RNF213: variants seen among roughly 807,000 people sequenced by gnomAD.
RNF213 encodes the protein ring finger protein 213.
Under a neutral mutation model 514.4 loss-of-function variants are expected in RNF213, and 341 were observed. That is an observed-to-expected ratio of 0.66 (90% CI 0.61 to 0.73). The LOEUF is 0.73. RNF213 is among the 30% of genes least tolerant of loss of function. RNF213 has a pLI of 0.00. For synonymous variants in RNF213, 2,655 were observed against 2,658.2 expected (o/e 1.00, Z 0.04); for missense variants, 5,767 against 6,615.6 (o/e 0.87, Z 4.45).
chr17:80,334,412 T>C, intron 22 of RNF213, 142 bp downstream of exon 22: 2 of 840,452 alleles, frequency 2.4e-6, no homozygotes, highest in Non-Finnish European at 3.6e-6. Flanking sequence ...CTGCATGCTT[T>C]AGGGAGATGG....
chr17:80,336,534 A>G lies in RNF213; in HGVS notation c.4527+156A>G, dbSNP rs550159401. 812 of 740,820 alleles carry G rather than the reference A, an allele frequency of 1.1e-3. 2 individuals carry two copies. The highest frequency in any genetic ancestry group is 2.0e-3 in the Middle Eastern group (9 of 4,404). The allele number at this position is 740,820 out of a possible 1,614,324, so 45.9% of individuals were successfully genotyped here. On this transcript the variant is annotated intron_variant, in intron 23 of 67. Transcript: ENST00000582970. ...TAAAAAGCTTTTCTTCATAAATGGAAATTCACCATCTTGTTACCTAGAAAG... is the reference window on the plus strand; with the variant it reads ...TAAAAAGCTTTTCTTCATAAATGGAGATTCACCATCTTGTTACCTAGAAAG...
At chr17:80,372,449 C>A in intron 47 of RNF213, 72 bp from the exon 48 acceptor site, 2 of 1,079,132 alleles carry the variant, frequency 1.9e-6, no homozygotes, top group Non-Finnish European at 2.8e-6. Flanking sequence ...GTCACATTGG[C>A]GACTGTAGAA....
chr17:80,321,513 T>C (rs981543572), intron 17 of RNF213: 1 of 152,212 alleles, frequency 6.6e-6, no homozygotes, highest in African/African-American at 2.4e-5. Flanking sequence ...TTCTCCTGGG[T>C]GTATACCTCG....
Position 80,313,181 on chromosome 17 carries a change from C to G in RNF213, c.2811+14C>G. On this transcript the variant is annotated intron_variant, in intron 15 of 67. Coordinates refer to ENST00000582970, the MANE Select transcript of RNF213 (RefSeq NM_001256071.3). The stretch of plus-strand genomic sequence containing the variant: ...AAGGAAATTGAGGTAGGCATTTGGC[C>G]GAAGGCTTCTGGGTAGGGATGTGAC... 1.2e-6 allele frequency: 2 copies of G among 1,613,918 alleles called. No homozygotes were observed. The highest frequency in any genetic ancestry group is 1.7e-6 in the Non-Finnish European group (2 of 1,180,012).
intron 2 of RNF213, among the ~76,000 whole-genome samples, chr17:80,269,248 C>T (rs767798502): frequency 6.6e-6 from 1 of 152,072 alleles, no homozygotes; most frequent in African/African-American, 2.4e-5. Flanking sequence ...ACAACACCCT[C>T]ACAGACACAA....
intron 8 of RNF213, 132 bp downstream of exon 8, chr17:80,291,959 C>T (rs2044746897): frequency 1.1e-6 from 1 of 908,260 alleles, no homozygotes; most frequent in African/African-American, 1.6e-5. Context: ...TGCATTGACC[C>T]CGCCCCAGCC....
Position 80,348,011 on chromosome 17 carries a change from T to A in RNF213, c.9676T>A (p.Cys3226Ser), listed in dbSNP as rs142892282. ...DVFIGYHSDA[C>S]ASVVLQVIER... Reference sequence around the variant, plus strand: ...CTTCATCGGCTACCACTCGGACGCCTGCGCGTCTGTGGTGCTGCAGGTCAT... The same window carrying A: ...CTTCATCGGCTACCACTCGGACGCCAGCGCGTCTGTGGTGCTGCAGGTCAT... Residue 3226 changes from cysteine to serine, a missense_variant, in exon 29 of 68, where the codon TGC (cysteine) becomes AGC (serine). By Grantham distance (112) the Cys-to-Ser change is moderately radical. Transcript: ENST00000582970. The A allele has an allele frequency of 2.1e-5, 34 of 1,614,094 alleles. No individual in the cohort carries two copies. The highest frequency in any genetic ancestry group is 2.7e-5 in the Non-Finnish European group (32 of 1,180,044).
chr17:80,381,740 G>C lies in RNF213; in HGVS notation c.13978+13G>C, dbSNP rs564792915. ...CTCTCTAGCAGAAGTGAGGAAAGGG[G>C]CAAGGGCTGGGCGGGGATCACACAG... On this transcript the variant is annotated intron_variant, in intron 57 of 67. Transcript: ENST00000582970. 3 of 1,610,360 alleles carry C rather than the reference G, an allele frequency of 1.9e-6. No homozygotes were observed. The highest frequency in any genetic ancestry group is 2.5e-6 in the Non-Finnish European group (3 of 1,179,098).
intron 37 of RNF213, among the ~76,000 whole-genome samples, chr17:80,359,697 C>T (rs1475868915): frequency 6.6e-6 from 1 of 152,074 alleles, no homozygotes; most frequent in African/African-American, 2.4e-5. Flanking sequence ...AAAGACAAGG[C>T]GCTGCTGATG....
In RNF213 at chr17:80,327,814, A is replaced by C. The variant is rs1217894594; in HGVS notation, c.3194-2A>C. 1.3e-6 allele frequency: 2 copies of C among 1,535,600 alleles called. No individual in the cohort carries two copies. Among genetic ancestry groups the C allele is most frequent in the Non-Finnish European group, 1.7e-6 (2 of 1,145,586 alleles). ...TGTTAACTGTGTTCTTCATCTATTC[A>C]GGAACCGACGAGAAAATACTAGCAA... On this transcript the variant is annotated splice_acceptor_variant, in intron 18 of 67. Coordinates refer to ENST00000582970, the MANE Select transcript of RNF213 (RefSeq NM_001256071.3). LOFTEE classifies it high-confidence loss of function.
intron 18 of RNF213, among the ~76,000 whole-genome samples, chr17:80,326,243 G>A (rs941045723): frequency 1.4e-4 from 22 of 152,180 alleles, no homozygotes; most frequent in African/African-American, 5.3e-4. Context: ...TCCTGCCTCA[G>A]CCTCCCAAGT....
chr17:80,339,392 C>A lies in RNF213; in HGVS notation c.5025C>A (p.Ala1675=). The change falls in exon 26 of 68, where the codon GCC becomes GCA. Residue 1675 remains alanine, a synonymous_variant. Coordinates refer to ENST00000582970, the MANE Select transcript of RNF213 (RefSeq NM_001256071.3). ...GAGATGTCACTGAGCTGCTGGCAGC[C>A]CTCTGCAGGCAGATGGAGCACTTCC... ...EGGDVTELLA[A]LCRQMEHFLD... 1 of 1,537,200 alleles carries A rather than the reference C, an allele frequency of 6.5e-7. No homozygotes were observed. Among genetic ancestry groups the A allele is most frequent in the Non-Finnish European group, 8.7e-7 (1 of 1,146,900 alleles).
chr17:80,380,496 C>T (rs1434336107), intron 55 of RNF213, among the ~76,000 whole-genome samples: 1 of 152,206 alleles, frequency 6.6e-6, no homozygotes, highest in Non-Finnish European at 1.5e-5. Flanking sequence ...CTCCCAAACT[C>T]TAGCTGTTCT....
intron 11 of RNF213, 185 bp downstream of exon 11, chr17:80,298,703 G>A (rs1459186983): frequency 1.5e-6 from 1 of 661,422 alleles, no homozygotes; most frequent in Non-Finnish European, 2.6e-6. Context: ...AGTGGCTCAC[G>A]CCTGTAATCC....
chr17:80,295,928 A>G, intron 10 of RNF213, 115 bp downstream of exon 10: 1 of 1,201,066 alleles, frequency 8.3e-7, no homozygotes, highest in African/African-American at 1.5e-5. Flanking sequence ...AAATAAAACC[A>G]CCCGTGATTT....
At chr17:80,358,161 T>C in intron 36 of RNF213, 127 bp from the exon 37 acceptor site, 1 of 730,246 alleles carries the variant, frequency 1.4e-6, no homozygotes, top group Non-Finnish European at 2.4e-6. Flanking sequence ...TTGCTGTCGC[T>C]GTAGTGTGGT....
intron 20 of RNF213, among the ~76,000 whole-genome samples, chr17:80,330,249 G>A (rs1241346386): frequency 1.3e-5 from 2 of 152,202 alleles, no homozygotes; most frequent in Non-Finnish European, 2.9e-5. Context: ...GGCATCATGT[G>A]CTGCTTCCTC....
chr17:80,353,864 G>T lies in RNF213; in HGVS notation c.10579-155G>T, dbSNP rs938332201. The T allele has an allele frequency of 5.5e-5, 66 of 1,197,618 alleles. No homozygotes were observed. Among genetic ancestry groups the T allele is most frequent in the Non-Finnish European group, 7.5e-5 (62 of 830,556 alleles). 74.2% of individuals were successfully genotyped at this position (1,197,618 alleles called of 1,614,324 possible). On this transcript the variant is annotated intron_variant, in intron 34 of 67. Transcript: ENST00000582970. This position sits in a 1 kb window ranked among gnomAD's most constrained non-coding sequence, Gnocchi z 5.0. ...AGGGCATCTGCACCGGCAGTTTGGG[G>T]GGTGCAGGGCGGAGGTCGGCGTCTC...
chr17:80,261,877 T>C (rs1303000132), intron 1 of RNF213, among the ~76,000 whole-genome samples: 1 of 151,944 alleles, frequency 6.6e-6, no homozygotes, highest in Non-Finnish European at 1.5e-5. Context: ...ATTAGCCGGG[T>C]GTGGTGGCGC....
Sources: gnomAD v4.1 joint callset for allele counts (sites outside exome capture counted in the v4.1 genomes callset) on GRCh38, gnomAD v4.1.1 for gene constraint, Gnocchi (gnomAD v3.1) non-coding constraint, MANE v1.5 for transcripts, NCBI Gene and HGNC (gene_info 2026-07-23, HGNC 2026-07-21) for gene names.